PPP2R2B: variants seen among roughly 807,000 people sequenced by gnomAD.
PPP2R2B encodes protein phosphatase 2 regulatory subunit Bbeta.
Under a neutral mutation model 46.0 loss-of-function variants are expected in PPP2R2B, and 5 were observed. The observed-to-expected ratio is 0.11, with a 90% confidence interval of 0.06 to 0.23. The LOEUF is 0.23. Ranked by LOEUF, PPP2R2B falls within the 10% of genes least tolerant of loss-of-function variation. PPP2R2B has a pLI of 1.00. For synonymous variants in PPP2R2B, 215 were observed against 206.7 expected, an observed-to-expected ratio of 1.04 and a Z score of -0.34; for missense variants, 367 against 575.0, an observed-to-expected ratio of 0.64 and a Z score of 3.70.
At chr5:146,951,793 C>T (rs368708084) in intron 1 of PPP2R2B, among the ~76,000 whole-genome samples, 8 of 152,004 alleles carry the variant, frequency 5.3e-5, no homozygotes, top group East Asian at 3.9e-4. Context: ...CATGTGTTTG[C>T]TATTGTGAAT....
chr5:147,080,245 C>T (rs1190605144), intron 2 of PPP2R2B, among the ~76,000 whole-genome samples: 1 of 152,196 alleles, frequency 6.6e-6, no homozygotes, highest in East Asian at 1.9e-4. Flanking sequence ...ATCCTGTCAA[C>T]TGTTCACTTC....
chr5:146,935,939 T>A (rs886511506), intron 1 of PPP2R2B, among the ~76,000 whole-genome samples: 1 of 152,174 alleles, frequency 6.6e-6, no homozygotes, highest in Admixed American at 6.5e-5. Flanking sequence ...ATTTTCCTTA[T>A]CTATATAATG....
intron 1 of PPP2R2B, among the ~76,000 whole-genome samples, chr5:147,041,072 A>G (rs1347144231): frequency 6.6e-6 from 1 of 152,166 alleles, no homozygotes; most frequent in Non-Finnish European, 1.5e-5. Flanking sequence ...ACAGAGGCCA[A>G]AACACCACTC....
chr5:146,625,769 T>C lies in PPP2R2B; in HGVS notation c.790+12482A>G, dbSNP rs556109611. Reference sequence around the variant, plus strand: ...CTTACATGGCAAAATGGAATAAAGATTGTGGATAGAATTATGATGCTAATC... The same window carrying C: ...CTTACATGGCAAAATGGAATAAAGACTGTGGATAGAATTATGATGCTAATC... On this transcript the variant is annotated intron_variant, in intron 7 of 9. Transcript: ENST00000394411. 2.0e-5 allele frequency among the ~76,000 whole-genome samples: 3 copies of C among 152,146 alleles called. 1 individual carries two copies. The South Asian group carries it at 6.2e-4, about 32-fold the overall frequency.
At chr5:146,853,009 A>T (rs549857954) in intron 2 of PPP2R2B, among the ~76,000 whole-genome samples, 1 of 152,206 alleles carries the variant, frequency 6.6e-6, no homozygotes, top group African/African-American at 2.4e-5. Flanking sequence ...TGTGCTGAGC[A>T]GTCGTCACAG....
At chr5:146,941,260 G>T (rs1864982) in intron 1 of PPP2R2B, among the ~76,000 whole-genome samples, 32,864 of 151,958 alleles carry the variant, frequency 0.22, 4,393 homozygotes, top group African/African-American at 0.38. Context: ...ATGCATTCTG[G>T]CTAACTGCTA....
chr5:146,773,461 C>A (rs1283959081), intron 2 of PPP2R2B, among the ~76,000 whole-genome samples: 1 of 152,156 alleles, frequency 6.6e-6, no homozygotes, highest in African/African-American at 2.4e-5. Context: ...GTGGAAATGG[C>A]CTCACAATTC....
rs1293687351 is a variant in PPP2R2B, at chr5:146,586,297, G to A, written c.*3650C>T. The A allele has an allele frequency of 6.6e-6, 1 of 152,124 alleles. No individual in the cohort carries two copies. Among genetic ancestry groups the A allele is most frequent in the Non-Finnish European group, 1.5e-5 (1 of 68,030 alleles). 9.4% of individuals were successfully genotyped at this position (152,124 alleles called of 1,614,324 possible). On this transcript the variant is annotated 3_prime_UTR_variant, in exon 10 of 10. Transcript: ENST00000394411. ...CACGGAAGAGGGAAAATTAGTAAGG[G>A]TTCCACCATTCAGGCTGTGGACTAT...
chr5:146,772,942 T>C (rs995765801), intron 2 of PPP2R2B, among the ~76,000 whole-genome samples: 4 of 152,226 alleles, frequency 2.6e-5, no homozygotes, highest in Admixed American at 2.0e-4. Context: ...AAGGCTCCTC[T>C]GCCTGTAAAG....
In PPP2R2B at chr5:146,979,837, G is replaced by A. The variant is rs148682297; in HGVS notation, c.79+75828C>T. 1.1e-4 allele frequency among the ~76,000 whole-genome samples: 17 copies of A among 152,230 alleles called. No homozygotes were observed. In the East Asian group the frequency reaches 3.3e-3, roughly 29 times the overall value. ...TAAAAGTTATGTGAATGTGATCTCTGTCTCTCAAAATATCTTATTGTACCC... is the reference window on the plus strand; with the variant it reads ...TAAAAGTTATGTGAATGTGATCTCTATCTCTCAAAATATCTTATTGTACCC... On this transcript the variant is annotated intron_variant, in intron 1 of 8. Transcript: ENST00000336640.
At chr5:146,935,763 G>A (rs139520374) in intron 1 of PPP2R2B, among the ~76,000 whole-genome samples, 2 of 152,260 alleles carry the variant, frequency 1.3e-5, no homozygotes, top group East Asian at 3.9e-4. Context: ...GTTTGGAAAA[G>A]GGTAGTAGAA....
chr5:146,698,168 C>A (rs766871922), intron 3 of PPP2R2B, 24 bp from the exon 4 acceptor site: 1 of 1,553,682 alleles, frequency 6.4e-7, no homozygotes, highest in Non-Finnish European at 8.6e-7. Flanking sequence ...AAAAAATACA[C>A]AACAGATTAA....
At chr5:146,860,365 G>C (rs1582290385) in intron 2 of PPP2R2B, among the ~76,000 whole-genome samples, 1 of 152,070 alleles carries the variant, frequency 6.6e-6, no homozygotes, top group African/African-American at 2.4e-5. Flanking sequence ...TCCCTTTTCA[G>C]TATATCAAAA....
intron 5 of PPP2R2B, among the ~76,000 whole-genome samples, chr5:146,652,954 C>T (rs1776076306): frequency 6.6e-6 from 1 of 152,162 alleles, no homozygotes; most frequent in African/African-American, 2.4e-5. Flanking sequence ...CAACTAAGGG[C>T]ATGCCTGAGT....
At chr5:146,964,289 A>G (rs1752308708) in intron 1 of PPP2R2B, among the ~76,000 whole-genome samples, 1 of 152,212 alleles carries the variant, frequency 6.6e-6, no homozygotes, top group Admixed American at 6.5e-5. Context: ...AAAAAAATGA[A>G]AAAACAGTTT....
rs183095698 is a variant in PPP2R2B at position 147,055,911 on chromosome 5, C to T, written c.-168G>A. On this transcript the variant is annotated 5_prime_UTR_variant, in exon 1 of 9. Coordinates refer to the PPP2R2B transcript ENST00000336640. ...ATAACTGGAGATGGGTCCCATTTTG[C>T]CATCAGCGCCAGGAAGCACTGCCTT... 5.9e-5 allele frequency: 84 copies of T among 1,433,002 alleles called. No individual in the cohort carries two copies. In the African/African-American group the frequency reaches 1.1e-3, roughly 19 times the overall value. 88.8% of individuals were successfully genotyped at this position (1,433,002 alleles called of 1,614,324 possible). A position where few individuals can be genotyped will look rare whatever the true frequency, so the allele number is the denominator to read the frequency against.
At chr5:147,052,602 G>T (rs902080003) in intron 1 of PPP2R2B, among the ~76,000 whole-genome samples, 1 of 152,146 alleles carries the variant, frequency 6.6e-6, no homozygotes, top group East Asian at 1.9e-4. Flanking sequence ...GAAAAGAAAA[G>T]CAGCCCAAAA....
At chr5:146,938,462 T>C (rs1307568284) in intron 1 of PPP2R2B, among the ~76,000 whole-genome samples, 1 of 152,130 alleles carries the variant, frequency 6.6e-6, no homozygotes, top group African/African-American at 2.4e-5. Flanking sequence ...AGCAATTATA[T>C]CTCTAAGTCT....
chr5:147,004,070 G>A (rs1432374616), intron 1 of PPP2R2B, among the ~76,000 whole-genome samples: 13 of 152,142 alleles, frequency 8.5e-5, no homozygotes, highest in East Asian at 1.9e-4. Flanking sequence ...AAGCGAGATC[G>A]GAGAAAGGCC....
Sources: allele counts gnomAD v4.1 joint callset (sites outside exome capture counted in the v4.1 genomes callset), GRCh38; gene constraint gnomAD v4.1.1; transcripts MANE v1.5; gene names NCBI Gene and HGNC (gene_info 2026-07-23, HGNC 2026-07-21).